Variants in CPEB3 observed in about 807,000 individuals in gnomAD.
The protein encoded by CPEB3 is cytoplasmic polyadenylation element binding protein 3, also known as cytoplasmic polyadenylation element-binding protein 3.
CPEB3 carries 20 observed loss-of-function variants against 67.2 expected under a neutral mutation model. That is an observed-to-expected ratio of 0.30 (90% CI 0.21 to 0.43). The LOEUF (loss-of-function observed/expected upper bound fraction) is 0.43. CPEB3 is among the 20% of genes least tolerant of loss of function. The probability of loss-of-function intolerance (pLI) is 1.00; values close to 1 mark genes in which losing one functional copy is unlikely to be tolerated. For missense variants in CPEB3, 746 were observed against 968.6 expected (o/e 0.77, Z 3.05); for synonymous variants, 376 against 393.1 (o/e 0.96, Z 0.51).
At chr10:92,118,756 C>T in intron 6 of CPEB3, 1 of 751,794 alleles carries the variant, frequency 1.3e-6, no homozygotes, top group Non-Finnish European at 2.5e-6. Context: ...GAACCACAGG[C>T]AAACAAGAGA....
chr10:92,147,888 A>G (rs1166053024), intron 4 of CPEB3, among the ~76,000 whole-genome samples: 1 of 152,194 alleles, frequency 6.6e-6, no homozygotes, highest in African/African-American at 2.4e-5. Context: ...CTAAAATCTC[A>G]ATAAAAATGC....
chr10:92,190,755 A>G (rs1388570501), intron 3 of CPEB3, among the ~76,000 whole-genome samples: 1 of 151,452 alleles, frequency 6.6e-6, no homozygotes, highest in Non-Finnish European at 1.5e-5. Flanking sequence ...AGACTCATAC[A>G]GAAGCCACAT....
At chr10:92,200,190 T>C (rs1849450461) in intron 2 of CPEB3, among the ~76,000 whole-genome samples, 1 of 152,198 alleles carries the variant, frequency 6.6e-6, no homozygotes. Flanking sequence ...TTTAAAATTG[T>C]TGTTAAACAG....
intron 2 of CPEB3, 108 bp from the exon 3 acceptor site, chr10:92,192,744 GA>G (rs1849042753): frequency 2.7e-6 from 2 of 733,304 alleles, no homozygotes; most frequent in Non-Finnish European, 4.2e-6. Context: ...AAGTTACAGA[GA>G]GCCCCAACAG....
intron 2 of CPEB3, chr10:92,216,821 C>A: frequency 1.2e-6 from 2 of 1,604,738 alleles, no homozygotes; most frequent in Non-Finnish European, 8.5e-7. Flanking sequence ...TGGGCACCTG[C>A]CGCTGGAAGC....
At chr10:92,093,506 C>CTT (rs1007004405) in intron 7 of CPEB3, among the ~76,000 whole-genome samples, 2 of 145,284 alleles carry the variant, frequency 1.4e-5, no homozygotes, top group Admixed American at 6.9e-5. Context: ...ACAGTCTACA[C>CTT]TTTTTTTTTT....
intron 4 of CPEB3, among the ~76,000 whole-genome samples, chr10:92,156,339 T>C (rs899422620): frequency 6.6e-6 from 1 of 151,924 alleles, no homozygotes; most frequent in African/African-American, 2.4e-5. Context: ...ATGAAGATAA[T>C]GATGTTGGTG....
chr10:92,274,367 T>C (rs72807282), intron 1 of CPEB3, among the ~76,000 whole-genome samples: 17,362 of 152,260 alleles, frequency 0.11, 1,288 homozygotes, highest in Middle Eastern at 0.19. Flanking sequence ...TTTATTTATT[T>C]ATACTTCATC....
chr10:92,239,979 G>A lies in CPEB3; in HGVS notation c.372C>T (p.Phe124=). 6.2e-7 allele frequency: 1 copy of A among 1,612,898 alleles called. No individual in the cohort carries two copies. The highest frequency in any genetic ancestry group is 8.5e-7 in the Non-Finnish European group (1 of 1,179,488). The part of the protein sequence containing the change: ...GTTNAVEDSF[F]QGITPVNGTM... Reference sequence around the variant, plus strand: ...TCCCGTTGACTGGGGTGATCCCCTGGAAGAAGCTGTCCTCTACCGCGTTGG... The same window carrying A: ...TCCCGTTGACTGGGGTGATCCCCTGAAAGAAGCTGTCCTCTACCGCGTTGG... The change falls in exon 2 of 10, where the codon TTC becomes TTT. Residue 124 remains phenylalanine (F), a synonymous_variant. Transcript: ENST00000265997. This position sits in a 1 kb window ranked among gnomAD's most constrained non-coding sequence, Gnocchi z 6.0.
intron 1 of CPEB3, among the ~76,000 whole-genome samples, chr10:92,254,661 T>C (rs1852443925): frequency 6.6e-6 from 1 of 152,058 alleles, no homozygotes; most frequent in African/African-American, 2.4e-5. Context: ...CTAACATTTT[T>C]CTTTTTATAC....
At chr10:92,125,915 C>T (rs188749044) in intron 6 of CPEB3, among the ~76,000 whole-genome samples, 3 of 151,944 alleles carry the variant, frequency 2.0e-5, no homozygotes, top group Admixed American at 6.6e-5. Context: ...GCAGAGATGG[C>T]GTTTCACCAT....
chr10:92,053,230 G>C (rs1041040967), intron 9 of CPEB3, among the ~76,000 whole-genome samples: 6 of 152,078 alleles, frequency 3.9e-5, no homozygotes, highest in Non-Finnish European at 8.8e-5. Context: ...TAGCCCTTTA[G>C]GGAACCTTTT....
intron 1 of CPEB3, among the ~76,000 whole-genome samples, chr10:92,271,039 T>C (rs1165492367): frequency 2.0e-5 from 3 of 152,070 alleles, no homozygotes; most frequent in Non-Finnish European, 2.9e-5. Context: ...TAGCCGGGCA[T>C]GGTGGCAGGC....
At chr10:92,123,530 T>A (rs1845484655) in intron 6 of CPEB3, among the ~76,000 whole-genome samples, 1 of 152,266 alleles carries the variant, frequency 6.6e-6, no homozygotes, top group South Asian at 2.1e-4. Context: ...GGCTTAAAGG[T>A]TAAATTACTT....
intron 6 of CPEB3, among the ~76,000 whole-genome samples, chr10:92,122,061 G>T (rs1168474083): frequency 6.6e-6 from 1 of 152,206 alleles, no homozygotes; most frequent in Non-Finnish European, 1.5e-5. Flanking sequence ...AAGTACTGAG[G>T]TTGCAAAGAT....
intron 2 of CPEB3, among the ~76,000 whole-genome samples, chr10:92,193,819 CAG>C (rs1849100569): frequency 6.7e-6 from 1 of 148,224 alleles, no homozygotes; most frequent in South Asian, 2.2e-4. Flanking sequence ...TTTTTTAAGA[CAG>C]AGTCTGGCTC....
chr10:92,143,085 G>T lies in CPEB3; in HGVS notation c.1397C>A (p.Pro466His). Reference protein sequence around the residue: ...EITASFRRFGPLVVDWPHKAE... With the variant: ...EITASFRRFGHLVVDWPHKAE... ...TTTGTGAGGCCAGTCTACTACGAGA[G>T]GTCCAAACCTGCGAAAGCTGGCAGT... The change falls in exon 6 of 10, where the codon CCT (proline) becomes CAT (histidine). Residue 466 changes from proline (P) to histidine (H), a missense_variant. Coordinates refer to ENST00000265997, the MANE Select transcript of CPEB3 (RefSeq NM_014912.5). The T allele has an allele frequency of 6.2e-7, 1 of 1,613,440 alleles. No individual in the cohort carries two copies. Among genetic ancestry groups the T allele is most frequent in the African/African-American group, 1.3e-5 (1 of 74,984 alleles).
rs1322219453 is a variant in CPEB3, at chr10:92,189,741, G to A, written c.1165+2736C>T. 2.6e-5 allele frequency among the ~76,000 whole-genome samples: 3 copies of A among 115,216 alleles called. No individual in the cohort carries two copies. In the South Asian group the frequency reaches 8.2e-4, roughly 31 times the overall value. 75.6% of individuals were successfully genotyped at this position (115,216 alleles called of 152,430 possible). ...TTTTTTTTTTGAGACAGAGTCTCTC[G>A]CTCTGTCGCCAGGCTGCAGTACAGT... is the stretch of plus-strand genomic sequence containing the variant. On this transcript the variant is annotated intron_variant, in intron 3 of 9. Transcript: ENST00000265997.
At chr10:92,074,802 G>A (rs550958306) in intron 9 of CPEB3, among the ~76,000 whole-genome samples, 6 of 152,158 alleles carry the variant, frequency 3.9e-5, no homozygotes. Context: ...AGTATAAAAA[G>A]CTCGCTCTCG....
Sources: gnomAD v4.1 joint callset for allele counts (sites outside exome capture counted in the v4.1 genomes callset) on GRCh38, gnomAD v4.1.1 for gene constraint, Gnocchi (gnomAD v3.1) non-coding constraint, MANE v1.5 for transcripts, NCBI Gene and HGNC (gene_info 2026-07-23, HGNC 2026-07-21) for gene names.